LRBA: variants seen among roughly 807,000 people sequenced by gnomAD.
LRBA encodes the protein LPS responsive beige-like anchor protein.
A neutral mutation model predicts 330.0 loss-of-function variants in LRBA; 176 were observed. The observed-to-expected ratio is 0.53, with a 90% CI of 0.47 to 0.60. The LOEUF (loss-of-function observed/expected upper bound fraction) is 0.60. Among genes scored for constraint, LRBA ranks in the 20% least tolerant of loss-of-function variants. The pLI is 0.00. For synonymous variants in LRBA, 1,230 were observed against 1,193.0 expected (o/e 1.03, Z -0.64); for missense variants, 3,259 against 3,444.8 (o/e 0.95, Z 1.35).
At chr4:150,666,702 G>T (rs1373313967) in intron 37 of LRBA, among the ~76,000 whole-genome samples, 1 of 152,004 alleles carries the variant, frequency 6.6e-6, no homozygotes, top group East Asian at 1.9e-4. Flanking sequence ...ATTCATGCGG[G>T]CCCTGCAACC....
In LRBA at chr4:150,616,174, A is replaced by G. The variant is rs114193960; in HGVS notation, c.5922-17043T>C. 8.3e-3 allele frequency among the ~76,000 whole-genome samples: 1,265 copies of G among 152,308 alleles called. 11 individuals are homozygous for G. Among genetic ancestry groups the G allele is most frequent in the African/African-American group, 0.029 (1,199 of 41,550 alleles). Reference sequence around the variant, plus strand: ...AAGAGTGTGGAGTTCAAAGGAAAGAACCTGACAGGATATATAATTCGAGAG... The same window carrying G: ...AAGAGTGTGGAGTTCAAAGGAAAGAGCCTGACAGGATATATAATTCGAGAG... On this transcript the variant is annotated intron_variant, in intron 37 of 56. Transcript: ENST00000651943.
intron 17 of LRBA, among the ~76,000 whole-genome samples, chr4:150,880,930 GAAAAAA>G (rs1728311419): frequency 6.6e-6 from 1 of 152,040 alleles, no homozygotes; most frequent in South Asian, 2.1e-4. Context: ...ACAAACATAT[GAAAAAA>G]TGCTTAATTA....
At chr4:150,630,308 T>C (rs1777251663) in intron 37 of LRBA, among the ~76,000 whole-genome samples, 1 of 152,206 alleles carries the variant, frequency 6.6e-6, no homozygotes, top group African/African-American at 2.4e-5. Context: ...AAAAGATGTG[T>C]TGACATCAAT....
intron 37 of LRBA, among the ~76,000 whole-genome samples, chr4:150,650,113 G>C (rs956873245): frequency 3.9e-5 from 6 of 152,134 alleles, no homozygotes; most frequent in Non-Finnish European, 8.8e-5. Context: ...TACTTGGTGA[G>C]GTTAAGTGAC....
chr4:150,719,252 C>T (rs551719165), intron 36 of LRBA, among the ~76,000 whole-genome samples: 3 of 151,964 alleles, frequency 2.0e-5, no homozygotes, highest in East Asian at 3.9e-4. Context: ...ACCAATTCCA[C>T]GTTTACTCCA....
intron 2 of LRBA, among the ~76,000 whole-genome samples, chr4:150,994,283 C>G (rs1579435615): frequency 6.6e-6 from 1 of 152,154 alleles, no homozygotes; most frequent in Non-Finnish European, 1.5e-5. Context: ...TGAGGTTCAA[C>G]ATCTTTTGTG....
At chr4:150,614,828 T>C (rs896772440) in intron 37 of LRBA, among the ~76,000 whole-genome samples, 1 of 152,198 alleles carries the variant, frequency 6.6e-6, no homozygotes, top group Non-Finnish European at 1.5e-5. Flanking sequence ...AGCAATGTGT[T>C]CCCTGGCTGG....
Position 150,350,001 on chromosome 4 carries a change from C to T in LRBA, c.7353G>A (p.Val2451=). 6.2e-7 allele frequency: 1 copy of T among 1,613,636 alleles called. No homozygotes were observed. Among genetic ancestry groups the T allele is most frequent in the South Asian group, 1.1e-5 (1 of 91,064 alleles). Residue 2451 remains valine, a synonymous_variant, in exon 48 of 57, where the codon GTG becomes GTA. Transcript: ENST00000651943. ...AVNLNSITDP[V]LREAVEAQIR... ...AATTCAGATAACTTACCTCTCTCAACACAGGATCAGTTATTGAATTCAGAT... is the reference window on the plus strand; with the variant it reads ...AATTCAGATAACTTACCTCTCTCAATACAGGATCAGTTATTGAATTCAGAT...
rs1291288695 is a variant in LRBA, at chr4:150,928,593, C to T, written c.472G>A (p.Val158Met). ...ACTGTCAAATTATAGCTAGCCAGCA[C>T]TCCCAACATGTCAACCAAAAGATCT... Reference protein sequence around the residue: ...IADLLVDMLGVLASYNLTVRE... With the variant: ...IADLLVDMLGMLASYNLTVRE... The change falls in exon 4 of 57, where the codon GTG becomes ATG. Residue 158 changes from valine to methionine, a missense_variant. Physicochemically the swap from Val to Met is conservative, Grantham distance 21 (BLOSUM62 1). Transcript: ENST00000651943. 6.2e-7 allele frequency: 1 copy of T among 1,613,590 alleles called. No individual in the cohort carries two copies. The highest frequency in any genetic ancestry group is 8.5e-7 in the Non-Finnish European group (1 of 1,179,666).
intron 31 of LRBA, among the ~76,000 whole-genome samples, chr4:150,808,858 C>T (rs1457277985): frequency 1.3e-5 from 2 of 152,212 alleles, no homozygotes; most frequent in African/African-American, 4.8e-5. Flanking sequence ...TAAATGTAAT[C>T]AGGGTTAGAA....
At chr4:150,722,263 T>C (rs1352192936) in intron 36 of LRBA, among the ~76,000 whole-genome samples, 1 of 152,168 alleles carries the variant, frequency 6.6e-6, no homozygotes, top group East Asian at 1.9e-4. Context: ...CAGGCAAATA[T>C]TCTTAAACAT....
chr4:150,628,311 C>T (rs576758414), intron 37 of LRBA, among the ~76,000 whole-genome samples: 1 of 152,064 alleles, frequency 6.6e-6, no homozygotes, highest in Non-Finnish European at 1.5e-5. Flanking sequence ...AAGATCCAAT[C>T]GGGTATAGAG....
At chr4:150,668,534 A>C (rs1395997261) in intron 37 of LRBA, among the ~76,000 whole-genome samples, 1 of 152,226 alleles carries the variant, frequency 6.6e-6, no homozygotes, top group Non-Finnish European at 1.5e-5. Flanking sequence ...AACAAATTTC[A>C]AACCTGAGAC....
chr4:150,838,962 G>T (rs1224933866), intron 28 of LRBA, among the ~76,000 whole-genome samples: 1 of 152,084 alleles, frequency 6.6e-6, no homozygotes, highest in South Asian at 2.1e-4. Context: ...GCAACCTACA[G>T]AATGGGAGAA....
At position 150,850,848 on chromosome 4, in the gene LRBA, C is replaced by T. The variant is rs746124272; in HGVS notation, c.3880G>A (p.Gly1294Arg). 6.2e-7 allele frequency: 1 copy of T among 1,613,938 alleles called. No homozygotes were observed. The change falls in exon 24 of 57, where the codon GGA becomes AGA. Residue 1294 changes from glycine (G) to arginine (R), a missense_variant. By Grantham distance (125) the Gly-to-Arg change is moderately radical. Coordinates refer to ENST00000651943, the MANE Select transcript of LRBA (RefSeq NM_001364905.1). ...GQGIAPDAVN[G>R]QRRDSRSTVF... The stretch of plus-strand genomic sequence containing the variant: ...GTAGATCTGGAATCCCTCCTTTGTC[C>T]ATTAACTGCATCTGGTGCTATTCCT...
intron 36 of LRBA, among the ~76,000 whole-genome samples, chr4:150,725,229 A>G (rs942848431): frequency 2.6e-5 from 4 of 152,106 alleles, no homozygotes; most frequent in Non-Finnish European, 5.9e-5. Context: ...ACCTTGAGAA[A>G]GATATCAAAT....
At position 150,587,463 on chromosome 4, in the gene LRBA, A is replaced by G. The variant is rs563631822; in HGVS notation, c.6330+585T>C. On this transcript the variant is annotated intron_variant, in intron 40 of 56. Coordinates refer to ENST00000651943, the MANE Select transcript of LRBA (RefSeq NM_001364905.1). ...GACTGTGCTACAAATGTTTCTTAGT[A>G]AAAACAAAGTTGCCAGGGTCTGAAA... 3.3e-5 allele frequency among the ~76,000 whole-genome samples: 5 copies of G among 152,342 alleles called. No homozygotes were observed. The East Asian group carries it at 9.6e-4, about 29-fold the overall frequency.
At chr4:150,708,424 G>A (rs1371216326) in intron 36 of LRBA, among the ~76,000 whole-genome samples, 1 of 151,766 alleles carries the variant, frequency 6.6e-6, no homozygotes, top group African/African-American at 2.4e-5. Flanking sequence ...AAGAAATCAT[G>A]AGATAAATAT....
intron 56 of LRBA, among the ~76,000 whole-genome samples, chr4:150,270,369 A>G (rs1372275977): frequency 6.6e-6 from 1 of 152,264 alleles, no homozygotes; most frequent in Non-Finnish European, 1.5e-5. Context: ...TTCATATAAT[A>G]TTCTGATACG....
Sources: allele counts gnomAD v4.1 joint callset (sites outside exome capture counted in the v4.1 genomes callset), GRCh38; gene constraint gnomAD v4.1.1; transcripts MANE v1.5; gene names NCBI Gene and HGNC (gene_info 2026-07-23, HGNC 2026-07-21).